The following LRCH3 variants were observed in gnomAD, a reference collection of about 807,000 sequenced individuals.
The protein encoded by LRCH3 is leucine rich repeats and calponin homology domain containing 3.
Under a neutral mutation model 104.5 loss-of-function variants are expected in LRCH3, and 68 were observed. The observed-to-expected ratio is 0.65, with a 90% CI of 0.54 to 0.80. The LOEUF is 0.80. Ranked by LOEUF, LRCH3 falls within the 30% of genes least tolerant of loss-of-function variation. The pLI is 0.00. For missense variants in LRCH3, 951 were observed against 953.9 expected, an observed-to-expected ratio of 1.00 and a Z score of 0.04; for synonymous variants, 344 against 361.3, an observed-to-expected ratio of 0.95 and a Z score of 0.54.
intron 10 of LRCH3, among the ~76,000 whole-genome samples, chr3:197,845,387 G>C (rs1018338209): frequency 2.1e-5 from 3 of 142,148 alleles, no homozygotes; most frequent in Non-Finnish European, 4.5e-5. Context: ...CTGGACAACA[G>C]AGTGAGATGA....
chr3:197,834,018 G>A (rs1736344909), intron 8 of LRCH3, among the ~76,000 whole-genome samples: 1 of 152,066 alleles, frequency 6.6e-6, no homozygotes. Flanking sequence ...TATATTAATT[G>A]TAGTCACAGA....
At chr3:197,879,865 C>T (rs1333973357) in intron 20 of LRCH3, among the ~76,000 whole-genome samples, 2 of 150,844 alleles carry the variant, frequency 1.3e-5, no homozygotes, top group Non-Finnish European at 2.9e-5. Context: ...GAGAATGAGT[C>T]AGGAAAGAGG....
chr3:197,838,442 T>C lies in LRCH3; in HGVS notation c.1252-879T>C, dbSNP rs547398333. On this transcript the variant is annotated intron_variant, in intron 9 of 20. Coordinates refer to ENST00000425562, the MANE Select transcript of LRCH3 (RefSeq NM_001365715.1). The stretch of plus-strand genomic sequence containing the variant: ...GTGTGATATACCTGTTTCTTGGAGG[T>C]AGATGCTATTTCTTGGAAGTAGATG... 2.1e-5 allele frequency among the ~76,000 whole-genome samples: 3 copies of C among 141,230 alleles called. No individual in the cohort carries two copies. The South Asian group carries it at 6.4e-4, about 30-fold the overall frequency. The allele number at this position is 141,230 out of a possible 152,430, so 92.7% of individuals were successfully genotyped here. A position where few individuals can be genotyped will look rare whatever the true frequency, so the allele number is the denominator to read the frequency against.
At chr3:197,802,723 A>G (rs897879364) in intron 1 of LRCH3, among the ~76,000 whole-genome samples, 4 of 152,118 alleles carry the variant, frequency 2.6e-5, no homozygotes, top group Admixed American at 6.5e-5. Flanking sequence ...GGGAGGTTCT[A>G]TGTTCCTAGG....
chr3:197,829,504 TAAA>T, intron 5 of LRCH3, 57 bp from the exon 6 acceptor site: 1 of 1,066,650 alleles, frequency 9.4e-7, no homozygotes, highest in Admixed American at 2.3e-5. Context: ...GTTGATATGA[TAAA>T]AAGGAGCATA....
chr3:197,814,756 C>A, intron 1 of LRCH3, 152 bp from the exon 2 acceptor site: 1 of 559,868 alleles, frequency 1.8e-6, no homozygotes, highest in Non-Finnish European at 3.0e-6. Flanking sequence ...TTGATACGAT[C>A]TTTGATATAA....
intron 1 of LRCH3, among the ~76,000 whole-genome samples, chr3:197,796,614 C>T (rs977609738): frequency 6.6e-6 from 1 of 152,100 alleles, no homozygotes; most frequent in South Asian, 2.1e-4. Flanking sequence ...TTGTGCTAAG[C>T]TGTGTGTGTC....
At position 197,884,632 on chromosome 3, in the gene LRCH3, C is replaced by T. The variant is rs1243047494; in HGVS notation, c.*966C>T. 1 of 152,320 alleles carries T rather than the reference C, an allele frequency of 6.6e-6. No homozygotes were observed. Among genetic ancestry groups the T allele is most frequent in the African/African-American group, 2.4e-5 (1 of 41,450 alleles). 9.4% of individuals were successfully genotyped at this position (152,320 alleles called of 1,614,324 possible). On this transcript the variant is annotated 3_prime_UTR_variant, in exon 21 of 21. Transcript: ENST00000425562. ...TTTTTCATGTAGTGGAACCACTGTT[C>T]AAAGCTAGATATTTGTATGTTTGCG...
intron 20 of LRCH3, 165 bp downstream of exon 20, chr3:197,875,940 T>G: frequency 4.3e-6 from 2 of 468,288 alleles, no homozygotes; most frequent in Non-Finnish European, 7.5e-6. Context: ...CAGTTTTCCT[T>G]GATTATTTCC....
At chr3:197,843,343 C>T (rs1738099896) in intron 10 of LRCH3, among the ~76,000 whole-genome samples, 2 of 151,926 alleles carry the variant, frequency 1.3e-5, no homozygotes, top group African/African-American at 4.8e-5. Context: ...CTGCCTTATA[C>T]TGGCCAGGTG....
chr3:197,816,126 C>G (rs1320646756), intron 2 of LRCH3, among the ~76,000 whole-genome samples: 1 of 151,992 alleles, frequency 6.6e-6, no homozygotes, highest in Non-Finnish European at 1.5e-5. Flanking sequence ...AGATAGATGT[C>G]TGGGAGTGGA....
chr3:197,852,313 T>G, intron 12 of LRCH3: 1 of 425,690 alleles, frequency 2.3e-6, no homozygotes, highest in African/African-American at 2.0e-5. Context: ...ACTAAAGCCA[T>G]TAGAGGGAGA....
chr3:197,872,959 T>G (rs1475215916), intron 19 of LRCH3, among the ~76,000 whole-genome samples: 1 of 152,166 alleles, frequency 6.6e-6, no homozygotes, highest in Admixed American at 6.5e-5. Context: ...CTGGACTAAC[T>G]GGGCAGTGAG....
Position 197,817,310 on chromosome 3 carries a change from A to C in LRCH3, c.534+8A>C. On this transcript the variant is annotated splice_region_variant and intron_variant, in intron 3 of 20. Coordinates refer to ENST00000425562, the MANE Select transcript of LRCH3 (RefSeq NM_001365715.1). ...AGACATTTGATGGAACTTGTAAGTT[A>C]ATATTTTTGATTGTCCAACATGTGT... The C allele has an allele frequency of 1.5e-6, 2 of 1,299,326 alleles. No homozygotes were observed. Among genetic ancestry groups the C allele is most frequent in the Non-Finnish European group, 2.1e-6 (2 of 975,322 alleles). 80.5% of individuals were successfully genotyped at this position (1,299,326 alleles called of 1,614,324 possible).
At chr3:197,846,557 A>C (rs1188714474) in intron 10 of LRCH3, among the ~76,000 whole-genome samples, 1 of 150,912 alleles carries the variant, frequency 6.6e-6, no homozygotes, top group Non-Finnish European at 1.5e-5. Context: ...AAAAAAAAAA[A>C]CAAAAAAAAC....
chr3:197,879,958 T>TG (rs1244596670), intron 20 of LRCH3, among the ~76,000 whole-genome samples: 1 of 142,798 alleles, frequency 7.0e-6, no homozygotes, highest in African/African-American at 2.9e-5. Flanking sequence ...TTTTTTTTTT[T>TG]TTTTTGAGAC....
intron 5 of LRCH3, among the ~76,000 whole-genome samples, chr3:197,829,197 T>C (rs1194513494): frequency 6.6e-6 from 1 of 152,224 alleles, no homozygotes; most frequent in African/African-American, 2.4e-5. Context: ...TGTATATGAT[T>C]GTTGGATTCC....
intron 1 of LRCH3, among the ~76,000 whole-genome samples, chr3:197,797,863 A>G (rs1245247586): frequency 2.3e-5 from 1 of 43,016 alleles, no homozygotes; most frequent in Non-Finnish European, 6.4e-5. Flanking sequence ...CCATCTCAAA[A>G]AAAAAAAAAA....
At chr3:197,817,379 T>A in intron 3 of LRCH3, 77 bp downstream of exon 3, 1 of 78,292 alleles carries the variant, frequency 1.3e-5, no homozygotes, top group Non-Finnish European at 1.7e-5. Flanking sequence ...TATATATATA[T>A]GAAACCTTGG....
Sources: allele counts gnomAD v4.1 joint callset (sites outside exome capture counted in the v4.1 genomes callset), GRCh38; gene constraint gnomAD v4.1.1; transcripts MANE v1.5; gene names NCBI Gene and HGNC (gene_info 2026-07-23, HGNC 2026-07-21).